The following PRKACB variants were observed in gnomAD, a reference collection of about 807,000 sequenced individuals.
The protein encoded by PRKACB is cAMP-dependent protein kinase catalytic subunit beta.
A neutral mutation model predicts 51.4 loss-of-function variants in PRKACB; 16 were observed. The ratio of observed to expected loss-of-function variants is 0.31; its 90% CI spans 0.21 to 0.47. The LOEUF (loss-of-function observed/expected upper bound fraction) is 0.47. Ranked by LOEUF, PRKACB falls within the 20% of genes least tolerant of loss-of-function variation. The pLI is 1.00. For synonymous variants in PRKACB, 147 were observed against 154.4 expected, an observed-to-expected ratio of 0.95 and a Z score of 0.35; for missense variants, 309 against 464.5, an observed-to-expected ratio of 0.67 and a Z score of 3.08.
upstream of PRKACB, among the ~76,000 whole-genome samples, chr1:84,143,221 G>T (rs979974478): frequency 6.6e-6 from 1 of 152,174 alleles, no homozygotes; most frequent in African/African-American, 2.4e-5. Flanking sequence ...CAAGGCGGGC[G>T]TATCGCTTGA....
intron 1 of PRKACB, among the ~76,000 whole-genome samples, chr1:84,088,157 A>G (rs1164468816): frequency 1.3e-5 from 2 of 152,196 alleles, no homozygotes; most frequent in African/African-American, 4.8e-5. Context: ...CGAAAATCCA[A>G]TGTAGATGCC....
intron 1 of PRKACB, among the ~76,000 whole-genome samples, chr1:84,093,672 A>G (rs1258242233): frequency 6.6e-6 from 1 of 152,002 alleles, no homozygotes; most frequent in Non-Finnish European, 1.5e-5. Flanking sequence ...TGCATTGAAT[A>G]TATAGTAGTT....
At position 84,202,822 on chromosome 1, in the gene PRKACB, A is replaced by G. The variant is rs1461137338; in HGVS notation, c.906+17A>G. 3.2e-6 allele frequency: 5 copies of G among 1,569,996 alleles called. No homozygotes were observed. The highest frequency in any genetic ancestry group is 1.4e-5 in the African/African-American group (1 of 73,706). ...TCTGGAAAGGTAAGTAAAACATTTTATTATTCCTCTCTTATTACTGTATAT... is the reference window on the plus strand; with the variant it reads ...TCTGGAAAGGTAAGTAAAACATTTTGTTATTCCTCTCTTATTACTGTATAT... On this transcript the variant is annotated intron_variant, in intron 8 of 9. Transcript: ENST00000370685.
intron 2 of PRKACB, among the ~76,000 whole-genome samples, 159 bp from the exon 3 acceptor site, chr1:84,182,041 A>G (rs1401337021): frequency 6.6e-6 from 1 of 152,078 alleles, no homozygotes; most frequent in Admixed American, 6.6e-5. Context: ...AGGGAAAAAT[A>G]GAACCAATAA....
At chr1:84,232,969 G>C (rs1675985473) in intron 9 of PRKACB, among the ~76,000 whole-genome samples, 1 of 151,348 alleles carries the variant, frequency 6.6e-6, no homozygotes, top group African/African-American at 2.4e-5. Flanking sequence ...ATGTTAGCTT[G>C]TTATTTTGCT....
intron 8 of PRKACB, among the ~76,000 whole-genome samples, chr1:84,212,438 C>T (rs2101565583): frequency 6.8e-6 from 1 of 147,348 alleles, no homozygotes; most frequent in East Asian, 1.9e-4. Flanking sequence ...CATGATTTAA[C>T]TTCTACTTTG....
chr1:84,138,791 T>A (rs982745963), intron 1 of PRKACB, among the ~76,000 whole-genome samples: 2 of 152,114 alleles, frequency 1.3e-5, no homozygotes, highest in African/African-American at 4.8e-5. Context: ...CAGTAAAATA[T>A]TAGTAAGTTG....
intron 1 of PRKACB, among the ~76,000 whole-genome samples, chr1:84,108,498 A>G (rs1051186994): frequency 1.3e-5 from 2 of 152,066 alleles, no homozygotes; most frequent in Non-Finnish European, 2.9e-5. Context: ...AAATTAAAAT[A>G]CTAAAAAAAA....
At chr1:84,152,478 G>A (rs1352660852) in intron 1 of PRKACB, among the ~76,000 whole-genome samples, 1 of 152,198 alleles carries the variant, frequency 6.6e-6, no homozygotes, top group Non-Finnish European at 1.5e-5. Flanking sequence ...ATAGAGCACT[G>A]TTAATTCTGC....
At chr1:84,149,448 G>A (rs1302507986) in intron 1 of PRKACB, among the ~76,000 whole-genome samples, 5 of 151,990 alleles carry the variant, frequency 3.3e-5, no homozygotes, top group African/African-American at 9.7e-5. Context: ...TTTGGTAGAG[G>A]TGGAGTTTCA....
intron 1 of PRKACB, among the ~76,000 whole-genome samples, chr1:84,163,034 A>T (rs1199551772): frequency 1.3e-5 from 2 of 151,660 alleles, no homozygotes; most frequent in Non-Finnish European, 2.9e-5. Context: ...TTTTCTTCTT[A>T]TTCTAATTTT....
At chr1:84,136,104 G>A (rs1652777536) in intron 1 of PRKACB, among the ~76,000 whole-genome samples, 1 of 151,828 alleles carries the variant, frequency 6.6e-6, no homozygotes, top group Non-Finnish European at 1.5e-5. Context: ...AGATAATAAA[G>A]GAATACTATG....
At chr1:84,106,546 A>C (rs1427136181) in intron 1 of PRKACB, among the ~76,000 whole-genome samples, 1 of 152,218 alleles carries the variant, frequency 6.6e-6, no homozygotes, top group Non-Finnish European at 1.5e-5. Context: ...AATACAGCTA[A>C]CCAAGGTCAA....
intron 9 of PRKACB, among the ~76,000 whole-genome samples, chr1:84,228,564 C>A (rs541562129): frequency 1.3e-5 from 2 of 151,970 alleles, no homozygotes; most frequent in African/African-American, 4.8e-5. Flanking sequence ...GTATTCAGTA[C>A]CCACATTTAA....
intron 1 of PRKACB, among the ~76,000 whole-genome samples, chr1:84,153,371 A>G (rs1021991613): frequency 2.6e-5 from 4 of 152,208 alleles, no homozygotes; most frequent in Non-Finnish European, 5.9e-5. Flanking sequence ...AGGTTGCCCC[A>G]ACCCTCAATT....
At chr1:84,120,156 TGAA>T in intron 1 of PRKACB, among the ~76,000 whole-genome samples, 1 of 152,222 alleles carries the variant, frequency 6.6e-6, no homozygotes, top group African/African-American at 2.4e-5. Flanking sequence ...TCCCCATACT[TGAA>T]GAGTACTTCT....
chr1:84,130,226 T>C (rs573603249), intron 1 of PRKACB, among the ~76,000 whole-genome samples: 2 of 150,278 alleles, frequency 1.3e-5, no homozygotes, highest in South Asian at 4.2e-4. Flanking sequence ...AGAAACTCTC[T>C]TTCTCTAATG....
At chr1:84,135,040 A>AGG (rs1314406066) in intron 1 of PRKACB, among the ~76,000 whole-genome samples, 1 of 152,216 alleles carries the variant, frequency 6.6e-6, no homozygotes, top group Non-Finnish European at 1.5e-5. Flanking sequence ...CACTTTAAAT[A>AGG]TAAAGAATAG....
chr1:84,168,881 G>C (rs1206594978), intron 1 of PRKACB, among the ~76,000 whole-genome samples: 1 of 151,468 alleles, frequency 6.6e-6, no homozygotes, highest in Non-Finnish European at 1.5e-5. Flanking sequence ...AATATAGAAG[G>C]CTCTTTCCTG....
Sources: gnomAD v4.1 joint callset for allele counts (sites outside exome capture counted in the v4.1 genomes callset) on GRCh38, gnomAD v4.1.1 for gene constraint, MANE v1.5 for transcripts, NCBI Gene and HGNC (gene_info 2026-07-23, HGNC 2026-07-21) for gene names.